The following CACNA2D3 variants were observed in gnomAD, a reference collection of about 807,000 sequenced individuals.
CACNA2D3 encodes the protein voltage-dependent calcium channel subunit alpha-2/delta-3.
In CACNA2D3, 60 loss-of-function variants were observed where a neutral mutation model predicts 160.6. The observed-to-expected ratio is 0.37, with a 90% CI of 0.30 to 0.46. CACNA2D3 has a LOEUF of 0.46. Ranked by LOEUF, CACNA2D3 falls within the 20% of genes least tolerant of loss-of-function variation. The probability of loss-of-function intolerance (pLI) is 1.00; values close to 1 mark genes in which losing one functional copy is unlikely to be tolerated. For synonymous variants in CACNA2D3, 558 were observed against 492.9 expected, an observed-to-expected ratio of 1.13 and a Z score of -1.75; for missense variants, 1,205 against 1,365.0, an observed-to-expected ratio of 0.88 and a Z score of 1.85.
chr3:54,250,818 G>A (rs1203095395), intron 2 of CACNA2D3, among the ~76,000 whole-genome samples: 2 of 152,196 alleles, frequency 1.3e-5, no homozygotes, highest in Non-Finnish European at 2.9e-5. Context: ...AGGACAAGAA[G>A]CAAATGAACA....
At chr3:54,890,495 C>CAAAAAAAA (rs34740812) in intron 24 of CACNA2D3, among the ~76,000 whole-genome samples, 2 of 60,810 alleles carry the variant, frequency 3.3e-5, no homozygotes, top group East Asian at 5.5e-4. Flanking sequence ...GACTCCGTCT[C>CAAAAAAAA]AAAAAAAAAA....
At chr3:54,258,087 A>G (rs1702334149) in intron 2 of CACNA2D3, among the ~76,000 whole-genome samples, 1 of 152,246 alleles carries the variant, frequency 6.6e-6, no homozygotes, top group Admixed American at 6.5e-5. Flanking sequence ...ATCAAAGCAT[A>G]GTAACCTTCA....
chr3:54,123,582 G>C lies in CACNA2D3; in HGVS notation c.192G>C (p.Gln64His), dbSNP rs371636598. ...KSIAAKYSGS[Q>H]LLQKKYKEYE... ...TTGCTGCTAAGTACTCCGGTTCCCA[G>C]CTTCTGCAAAAGGTAAGGTTTCTGT... Residue 64 changes from glutamine (Q) to histidine (H), a missense_variant, in exon 2 of 38, where the codon CAG becomes CAC. This residue lies in a region of CACNA2D3 where 163 missense variants were observed against 161.3 expected (regional missense o/e 1.01). Transcript: ENST00000474759. 28 of 1,613,710 alleles carry C rather than the reference G, an allele frequency of 1.7e-5. No homozygotes were observed. The African/African-American group carries it at 2.9e-4, about 17-fold the overall frequency.
In CACNA2D3 at chr3:54,878,744, T is replaced by C. The variant is rs1699722052; in HGVS notation, c.1711-274T>C. 1.4e-5 allele frequency: 4 copies of C among 290,254 alleles called. No homozygotes were observed. In the East Asian group the frequency reaches 2.4e-4, roughly 17 times the overall value. The allele number at this position is 290,254 out of a possible 1,614,324, so 18.0% of individuals were successfully genotyped here. A position where few individuals can be genotyped will look rare whatever the true frequency, so the allele number is the denominator to read the frequency against. The stretch of plus-strand genomic sequence containing the variant: ...TCAGCGGGTCTCCAGGAGTTCACGC[T>C]CTGACCCCCGGGATTCATCAGTATC... On this transcript the variant is annotated intron_variant, in intron 18 of 37. Coordinates refer to ENST00000474759, the MANE Select transcript of CACNA2D3 (RefSeq NM_018398.3).
chr3:54,125,293 C>T (rs9861459), intron 2 of CACNA2D3, among the ~76,000 whole-genome samples: 58,989 of 150,264 alleles, frequency 0.39, 11,609 homozygotes, highest in South Asian at 0.49. Flanking sequence ...ACTCCGTCAA[C>T]CTTATTATTT....
At position 54,886,386 on chromosome 3, in the gene CACNA2D3, A is replaced by G. The variant is rs909335038; in HGVS notation, c.2056+800A>G. Among the ~76,000 whole-genome samples the G allele has an allele frequency of 2.6e-5, 4 of 152,220 alleles. No individual in the cohort carries two copies. The South Asian group carries it at 6.2e-4, about 24-fold the overall frequency. ...ATCAGATGGACATCCTGTGAGCCCA[A>G]TGTGTCATTGTCTTTGACTTTTTAA... On this transcript the variant is annotated intron_variant, in intron 23 of 37. Coordinates refer to ENST00000474759, the MANE Select transcript of CACNA2D3 (RefSeq NM_018398.3).
In CACNA2D3 at chr3:54,926,931, G is replaced by C. The variant is rs1418131637; in HGVS notation, c.2449+27063G>C. Reference sequence around the variant, plus strand: ...TTCACATTTTCTTAGATACTGCTCTGTCATTCACCAAAGTAGCTGTAACAC... The same window carrying C: ...TTCACATTTTCTTAGATACTGCTCTCTCATTCACCAAAGTAGCTGTAACAC... On this transcript the variant is annotated intron_variant, in intron 27 of 37. Coordinates refer to ENST00000474759, the MANE Select transcript of CACNA2D3 (RefSeq NM_018398.3). Among the ~76,000 whole-genome samples, 3 of 152,188 alleles carry C rather than the reference G, an allele frequency of 2.0e-5. No homozygotes were observed. The East Asian group carries it at 5.8e-4, about 29-fold the overall frequency.
At chr3:54,499,596 G>A (rs1701255910) in intron 4 of CACNA2D3, among the ~76,000 whole-genome samples, 1 of 151,894 alleles carries the variant, frequency 6.6e-6, no homozygotes, top group African/African-American at 2.4e-5. Context: ...CACACCTTTT[G>A]ATAGGCTGTG....
chr3:54,927,973 A>G (rs1350299327), intron 27 of CACNA2D3: 10 of 1,540,862 alleles, frequency 6.5e-6, no homozygotes, highest in Admixed American at 1.7e-5. Flanking sequence ...GTGCAGAGCA[A>G]CACACGAAGG....
At chr3:54,476,941 G>C (rs545350454) in intron 4 of CACNA2D3, among the ~76,000 whole-genome samples, 1 of 152,268 alleles carries the variant, frequency 6.6e-6, no homozygotes, top group Non-Finnish European at 1.5e-5. Context: ...ATGGACACCT[G>C]TTCCATATCT....
At chr3:54,818,283 A>T (rs1404258439) in intron 14 of CACNA2D3, among the ~76,000 whole-genome samples, 1 of 152,236 alleles carries the variant, frequency 6.6e-6, no homozygotes, top group Non-Finnish European at 1.5e-5. Flanking sequence ...TCCCGGGTTC[A>T]ATCGATTCTC....
chr3:54,800,208 C>G (rs1702953849), intron 13 of CACNA2D3, among the ~76,000 whole-genome samples: 1 of 152,162 alleles, frequency 6.6e-6, no homozygotes, highest in Non-Finnish European at 1.5e-5. Flanking sequence ...TCAGACCCTC[C>G]TTAATCTACA....
At chr3:54,765,289 A>G (rs1702202704) in intron 13 of CACNA2D3, among the ~76,000 whole-genome samples, 1 of 152,192 alleles carries the variant, frequency 6.6e-6, no homozygotes, top group Non-Finnish European at 1.5e-5. Context: ...GCCAGGCCAC[A>G]GCAGCCTGCC....
chr3:54,600,241 CCT>C (rs1475336278), intron 9 of CACNA2D3, among the ~76,000 whole-genome samples: 1 of 152,138 alleles, frequency 6.6e-6, no homozygotes, highest in Non-Finnish European at 1.5e-5. Context: ...CTGCCTAAAC[CCT>C]CTGAGTTTCC....
At chr3:54,556,442 C>A (rs372931527) in intron 5 of CACNA2D3, among the ~76,000 whole-genome samples, 1 of 152,018 alleles carries the variant, frequency 6.6e-6, no homozygotes, top group African/African-American at 2.4e-5. Flanking sequence ...ATGGAACACA[C>A]TCTCTTAGAA....
chr3:54,263,678 T>C (rs1377947771), intron 2 of CACNA2D3, among the ~76,000 whole-genome samples: 1 of 152,192 alleles, frequency 6.6e-6, no homozygotes, highest in African/African-American at 2.4e-5. Context: ...TCTCAGTTTA[T>C]TGATACAGCA....
At chr3:54,519,381 C>A (rs1447094003) in intron 5 of CACNA2D3, among the ~76,000 whole-genome samples, 3 of 152,166 alleles carry the variant, frequency 2.0e-5, no homozygotes, top group African/African-American at 4.8e-5. Context: ...ACGCTCTGAT[C>A]CCATTCACCC....
At chr3:54,943,657 T>A (rs1158328598) in intron 27 of CACNA2D3, among the ~76,000 whole-genome samples, 1 of 152,214 alleles carries the variant, frequency 6.6e-6, no homozygotes, top group East Asian at 1.9e-4. Flanking sequence ...TTCCCCCATG[T>A]GTTTCATCAG....
At chr3:54,247,495 A>T (rs1276146906) in intron 2 of CACNA2D3, among the ~76,000 whole-genome samples, 1 of 152,264 alleles carries the variant, frequency 6.6e-6, no homozygotes. Context: ...AATAAAGATT[A>T]AACTAGAAGG....
Sources: allele counts gnomAD v4.1 joint callset (sites outside exome capture counted in the v4.1 genomes callset), GRCh38; gene constraint gnomAD v4.1.1; regional missense constraint gnomAD v4.1.1; transcripts MANE v1.5; gene names NCBI Gene and HGNC (gene_info 2026-07-23, HGNC 2026-07-21).